Variants in SFMBT2 observed in about 807,000 individuals in gnomAD.
SFMBT2 encodes the protein scm-like with four MBT domains protein 2.
A neutral mutation model predicts 110.1 loss-of-function variants in SFMBT2; 38 were observed. The observed-to-expected ratio is 0.35, with a 90% CI of 0.27 to 0.45. SFMBT2 has a LOEUF of 0.45. Among genes scored for constraint, SFMBT2 ranks in the 20% least tolerant of loss-of-function variants. SFMBT2 has a pLI of 1.00. For missense variants in SFMBT2, 1,011 were observed against 1,094.9 expected (o/e 0.92, Z 1.08); for synonymous variants, 425 against 425.4 (o/e 1.00, Z 0.01).
At chr10:7,188,028 G>A (rs1838471940) in intron 16 of SFMBT2, among the ~76,000 whole-genome samples, 1 of 152,006 alleles carries the variant, frequency 6.6e-6, no homozygotes, top group African/African-American at 2.4e-5. Flanking sequence ...ACATTGATAC[G>A]GCTCCTGCTC....
chr10:7,240,167 C>T (rs904531868), intron 9 of SFMBT2, among the ~76,000 whole-genome samples: 3 of 152,174 alleles, frequency 2.0e-5, no homozygotes, highest in African/African-American at 7.2e-5. Context: ...CTCTGTCCCT[C>T]ATACCCCAAA....
chr10:7,224,412 T>C (rs1442781784), intron 10 of SFMBT2, among the ~76,000 whole-genome samples: 1 of 152,184 alleles, frequency 6.6e-6, no homozygotes, highest in Non-Finnish European at 1.5e-5. Flanking sequence ...TGTCTGAGTC[T>C]CCCCTCACTT....
chr10:7,304,206 C>T lies in SFMBT2; in HGVS notation c.437-18252G>A, dbSNP rs564709948. Among the ~76,000 whole-genome samples, 40 of 152,252 alleles carry T rather than the reference C, an allele frequency of 2.6e-4. 1 individual carries two copies. The highest frequency in any genetic ancestry group is 9.6e-4 in the African/African-American group (40 of 41,550). ...GGGACCCACTGGGAGGTAACTGAAT[C>T]GTGGGGTGGGTCTTTCCCATGCTGT... is the stretch of plus-strand genomic sequence containing the variant. On this transcript the variant is annotated intron_variant, in intron 4 of 20. Transcript: ENST00000397167.
intron 4 of SFMBT2, chr10:7,348,247 A>AT: frequency 6.7e-7 from 1 of 1,484,490 alleles, no homozygotes; most frequent in Non-Finnish European, 9.0e-7. Context: ...GAGTTGTTTC[A>AT]TTTCGTGACG....
At chr10:7,335,051 G>A (rs1425100814) in intron 4 of SFMBT2, among the ~76,000 whole-genome samples, 5 of 152,166 alleles carry the variant, frequency 3.3e-5, no homozygotes, top group African/African-American at 1.2e-4. Flanking sequence ...TCTATTTGGG[G>A]ATTTAGGCAA....
chr10:7,255,721 C>T (rs1840983215), intron 7 of SFMBT2, among the ~76,000 whole-genome samples: 1 of 152,142 alleles, frequency 6.6e-6, no homozygotes, highest in Non-Finnish European at 1.5e-5. Flanking sequence ...CAGCTTTATT[C>T]CCTCCAGAGC....
At chr10:7,396,143 C>T (rs1250090277) in intron 1 of SFMBT2, among the ~76,000 whole-genome samples, 1 of 152,162 alleles carries the variant, frequency 6.6e-6, no homozygotes, top group Non-Finnish European at 1.5e-5. Flanking sequence ...GCTGGAATTA[C>T]AGGATTCTCA....
intron 2 of SFMBT2, among the ~76,000 whole-genome samples, chr10:7,377,836 T>A (rs1845283783): frequency 6.6e-6 from 1 of 152,050 alleles, no homozygotes; most frequent in Non-Finnish European, 1.5e-5. Flanking sequence ...TACCAATCTG[T>A]GGCCGGGGGG....
At chr10:7,380,463 C>A (rs868283448) in intron 2 of SFMBT2, among the ~76,000 whole-genome samples, 2 of 152,216 alleles carry the variant, frequency 1.3e-5, no homozygotes, top group Admixed American at 1.3e-4. Context: ...TATGGAGCAA[C>A]CTGTAATCTG....
At chr10:7,274,800 A>G (rs1335252054) in intron 7 of SFMBT2, among the ~76,000 whole-genome samples, 4 of 151,708 alleles carry the variant, frequency 2.6e-5, no homozygotes, top group Non-Finnish European at 5.9e-5. Context: ...CACTACAGCG[A>G]GCTATGATCA....
intron 4 of SFMBT2, among the ~76,000 whole-genome samples, chr10:7,321,278 G>A (rs1030900145): frequency 6.1e-5 from 9 of 148,134 alleles, no homozygotes; most frequent in South Asian, 2.1e-4. Flanking sequence ...CTCGGCTCAC[G>A]GCAAGCTCCG....
chr10:7,318,694 G>A (rs1432358673), intron 4 of SFMBT2, among the ~76,000 whole-genome samples: 3 of 152,236 alleles, frequency 2.0e-5, no homozygotes, highest in African/African-American at 7.2e-5. Context: ...GAACTGGAGC[G>A]AGAAAATAAT....
At chr10:7,400,859 G>A (rs1410871034) in intron 1 of SFMBT2, among the ~76,000 whole-genome samples, 1 of 152,170 alleles carries the variant, frequency 6.6e-6, no homozygotes, top group African/African-American at 2.4e-5. Flanking sequence ...CCGGCCAGGC[G>A]CGGTGGTTCG....
At chr10:7,372,272 T>C (rs1051048581) in intron 2 of SFMBT2, among the ~76,000 whole-genome samples, 3 of 152,208 alleles carry the variant, frequency 2.0e-5, no homozygotes, top group Non-Finnish European at 4.4e-5. Flanking sequence ...TAATACTTTG[T>C]GTACTCTCAG....
intron 8 of SFMBT2, among the ~76,000 whole-genome samples, chr10:7,246,553 C>T (rs1815301): frequency 0.87 from 132,237 of 151,654 alleles, 57,786 homozygotes; most frequent in East Asian, 0.92. Context: ...ACCCCATCTC[C>T]ACTAAAAACA....
chr10:7,208,385 A>G (rs1839219975), intron 11 of SFMBT2, among the ~76,000 whole-genome samples: 2 of 152,192 alleles, frequency 1.3e-5, no homozygotes, highest in Non-Finnish European at 2.9e-5. Context: ...TACAAATAAC[A>G]TTTTCAAGGT....
intron 10 of SFMBT2, among the ~76,000 whole-genome samples, chr10:7,224,519 C>A (rs895392576): frequency 6.6e-6 from 1 of 152,168 alleles, no homozygotes; most frequent in African/African-American, 2.4e-5. Context: ...TCAACTGTGG[C>A]TGCCCTCAAG....
At chr10:7,315,058 A>G (rs1005120577) in intron 4 of SFMBT2, among the ~76,000 whole-genome samples, 59 of 136,156 alleles carry the variant, frequency 4.3e-4, no homozygotes, top group African/African-American at 1.5e-3. Context: ...GAAAGAAAGA[A>G]AGAAAGAAAG....
intron 4 of SFMBT2, among the ~76,000 whole-genome samples, chr10:7,354,682 A>C (rs944248578): frequency 6.6e-6 from 1 of 152,210 alleles, no homozygotes; most frequent in African/African-American, 2.4e-5. Context: ...ACCAAGTGCA[A>C]ATACAAATGT....
Sources: gnomAD v4.1 joint callset for allele counts (sites outside exome capture counted in the v4.1 genomes callset) on GRCh38, gnomAD v4.1.1 for gene constraint, MANE v1.5 for transcripts, NCBI Gene and HGNC (gene_info 2026-07-23, HGNC 2026-07-21) for gene names.